BRINP1: variants seen among roughly 807,000 people sequenced by gnomAD.
BRINP1 encodes BMP/retinoic acid-inducible neural-specific protein 1.
A neutral mutation model predicts 72.9 loss-of-function variants in BRINP1; 17 were observed. That is an observed-to-expected ratio of 0.23 (90% CI 0.16 to 0.35). The LOEUF is 0.35. BRINP1 is among the 10% of genes least tolerant of loss of function. BRINP1 has a pLI of 1.00. For missense variants in BRINP1, 850 were observed against 1,001.6 expected (o/e 0.85, Z 2.04); for synonymous variants, 418 against 378.5 (o/e 1.10, Z -1.21).
intron 7 of BRINP1, among the ~76,000 whole-genome samples, chr9:119,181,039 GA>G (rs1236538957): frequency 1.3e-5 from 2 of 152,156 alleles, no homozygotes; most frequent in African/African-American, 4.8e-5. Context: ...GGAAGGAGGT[GA>G]CAGGCAACAT....
intron 7 of BRINP1, among the ~76,000 whole-genome samples, chr9:119,174,315 C>G (rs1437858386): frequency 1.3e-5 from 2 of 150,944 alleles, no homozygotes; most frequent in African/African-American, 4.9e-5. Flanking sequence ...AGGACATGAA[C>G]AGACACTTCT....
intron 2 of BRINP1, among the ~76,000 whole-genome samples, chr9:119,284,513 G>A (rs192029338): frequency 2.0e-5 from 3 of 152,246 alleles, no homozygotes. Context: ...AATGGAAATG[G>A]CTGTAAAAGC....
At chr9:119,280,914 T>C (rs1830704525) in intron 2 of BRINP1, among the ~76,000 whole-genome samples, 1 of 152,214 alleles carries the variant, frequency 6.6e-6, no homozygotes, top group African/African-American at 2.4e-5. Flanking sequence ...AACCATGCCT[T>C]GAAGACTGCT....
At chr9:119,350,659 T>C (rs1237764146) in intron 1 of BRINP1, among the ~76,000 whole-genome samples, 4 of 151,948 alleles carry the variant, frequency 2.6e-5, no homozygotes, top group Non-Finnish European at 5.9e-5. Flanking sequence ...TCCATGAACA[T>C]GTGCACACAC....
intron 7 of BRINP1, among the ~76,000 whole-genome samples, chr9:119,177,289 A>G (rs1350699952): frequency 6.6e-6 from 1 of 152,162 alleles, no homozygotes; most frequent in Non-Finnish European, 1.5e-5. Context: ...ATCCTATTAC[A>G]GCCTGGAGAA....
intron 5 of BRINP1, among the ~76,000 whole-genome samples, chr9:119,227,636 C>A (rs1391942389): frequency 1.3e-5 from 2 of 152,076 alleles, no homozygotes; most frequent in African/African-American, 2.4e-5. Flanking sequence ...AGGCTGTAGG[C>A]ATGAGCCATT....
chr9:119,225,043 A>G (rs906517734), intron 5 of BRINP1, among the ~76,000 whole-genome samples: 2 of 152,098 alleles, frequency 1.3e-5, no homozygotes, highest in African/African-American at 4.8e-5. Context: ...TATATATTCA[A>G]AAGAACTGTA....
rs1364677232 is a variant in BRINP1 at position 119,166,785 on chromosome 9, G to T, written c.*299C>A. On this transcript the variant is annotated 3_prime_UTR_variant, in exon 8 of 8. Coordinates refer to ENST00000265922, the MANE Select transcript of BRINP1 (RefSeq NM_014618.3). ...GAGATCTTTACAATTCATTGCATAT[G>T]CTTTCTCCCTTCTCCCCCAATACAG... 3.3e-6 allele frequency: 1 copy of T among 299,044 alleles called. No individual in the cohort carries two copies. 18.5% of individuals were successfully genotyped at this position (299,044 alleles called of 1,614,324 possible).
chr9:119,179,356 G>A (rs73530242), intron 7 of BRINP1, among the ~76,000 whole-genome samples: 1,624 of 152,310 alleles, frequency 0.011, 19 homozygotes, highest in African/African-American at 0.032. Flanking sequence ...AGGAGAGAAG[G>A]AAGGAGAAAG....
At chr9:119,355,214 G>A (rs531703521) in intron 1 of BRINP1, among the ~76,000 whole-genome samples, 52 of 152,178 alleles carry the variant, frequency 3.4e-4, no homozygotes, top group Non-Finnish European at 1.2e-4. Flanking sequence ...TCAAATACTA[G>A]GATACATCAT....
At chr9:119,217,472 T>C (rs1457533412) in intron 5 of BRINP1, among the ~76,000 whole-genome samples, 1 of 152,194 alleles carries the variant, frequency 6.6e-6, no homozygotes, top group African/African-American at 2.4e-5. Flanking sequence ...GAGTTTTATT[T>C]GAACATCAAC....
intron 2 of BRINP1, among the ~76,000 whole-genome samples, chr9:119,267,746 G>C (rs1232789036): frequency 2.0e-5 from 3 of 152,156 alleles, no homozygotes; most frequent in Non-Finnish European, 2.9e-5. Flanking sequence ...ACATAAATGT[G>C]AATTGTCAGG....
chr9:119,302,971 A>G (rs1830954668), intron 2 of BRINP1, among the ~76,000 whole-genome samples: 1 of 152,164 alleles, frequency 6.6e-6, no homozygotes, highest in Admixed American at 6.5e-5. Context: ...AACAGAGTGC[A>G]TACACATTAG....
intron 2 of BRINP1, among the ~76,000 whole-genome samples, chr9:119,303,574 C>T (rs765304280): frequency 1.8e-4 from 27 of 152,144 alleles, no homozygotes; most frequent in Non-Finnish European, 3.5e-4. Context: ...CTTAAAGAGA[C>T]CTTGCCAGTA....
intron 7 of BRINP1, among the ~76,000 whole-genome samples, chr9:119,198,648 A>G (rs1287565967): frequency 6.6e-6 from 1 of 150,802 alleles, no homozygotes; most frequent in East Asian, 2.0e-4. Context: ...AGGGTCTACT[A>G]CTGCTGTGCT....
At chr9:119,320,664 T>C (rs943924534) in intron 1 of BRINP1, among the ~76,000 whole-genome samples, 1 of 151,948 alleles carries the variant, frequency 6.6e-6, no homozygotes, top group African/African-American at 2.4e-5. Flanking sequence ...AGTAAAGAGA[T>C]GAATGGTGCA....
chr9:119,178,259 GTT>G (rs1829511300), intron 7 of BRINP1, among the ~76,000 whole-genome samples: 1 of 152,170 alleles, frequency 6.6e-6, no homozygotes, highest in African/African-American at 2.4e-5. Context: ...GGGTGGGCTA[GTT>G]GTCCATTCTC....
At chr9:119,302,086 G>A (rs1378918054) in intron 2 of BRINP1, among the ~76,000 whole-genome samples, 1 of 152,224 alleles carries the variant, frequency 6.6e-6, no homozygotes, top group Non-Finnish European at 1.5e-5. Context: ...ACTCACAGGT[G>A]CACAGCAGGA....
intron 2 of BRINP1, among the ~76,000 whole-genome samples, chr9:119,307,391 C>G (rs947635479): frequency 6.6e-6 from 1 of 152,020 alleles, no homozygotes; most frequent in Non-Finnish European, 1.5e-5. Flanking sequence ...AAAATTGTAC[C>G]GAACTCAACT....
Sources: allele counts gnomAD v4.1 joint callset (sites outside exome capture counted in the v4.1 genomes callset), GRCh38; gene constraint gnomAD v4.1.1; transcripts MANE v1.5; gene names NCBI Gene and HGNC (gene_info 2026-07-23, HGNC 2026-07-21).